The following C8orf74 variants were observed in gnomAD, a reference collection of about 807,000 sequenced individuals.
C8orf74 encodes chromosome 8 open reading frame 74, also known as uncharacterized protein C8orf74.
In C8orf74, 29 loss-of-function variants were observed where a neutral mutation model predicts 22.2. The observed-to-expected ratio is 1.31, with a 90% CI of 0.97 to 1.78. The LOEUF (loss-of-function observed/expected upper bound fraction) is 1.78. Ranked by LOEUF, C8orf74 falls within the 40% of genes most tolerant of loss-of-function variation. The pLI, the probability that C8orf74 is intolerant of heterozygous loss-of-function variation, is 0.00. For missense variants in C8orf74, 515 were observed against 369.9 expected, an observed-to-expected ratio of 1.39 and a Z score of -3.22; for synonymous variants, 255 against 163.1, an observed-to-expected ratio of 1.56 and a Z score of -4.30.
intron 2 of C8orf74, among the ~76,000 whole-genome samples, chr8:10,685,993 C>T (rs1367455927): frequency 1.3e-5 from 2 of 152,062 alleles, no homozygotes; most frequent in Admixed American, 6.5e-5. Flanking sequence ...CACTTGAGCC[C>T]GGGAGGTGGA....
chr8:10,687,127 G>T, intron 2 of C8orf74: 1 of 456,288 alleles, frequency 2.2e-6, no homozygotes, highest in South Asian at 1.5e-5. Context: ...AGGAATGCCA[G>T]CAGAGGCCTG....
rs558928552 is a variant in C8orf74, at chr8:10,697,629, T to C, written c.272T>C (p.Leu91Pro). 8.9e-5 allele frequency: 143 copies of C among 1,613,822 alleles called. No homozygotes were observed. The highest frequency in any genetic ancestry group is 1.1e-4 in the Non-Finnish European group (133 of 1,179,888). The change falls in exon 3 of 4, where the codon CTG (leucine) becomes CCG (proline). Residue 91 changes from leucine to proline, a missense_variant. Transcript: ENST00000304519. ...GCSITEAVTI[L>P]GNKLRDYRGH... ...TCCATTACTGAGGCTGTGACGATCC[T>C]GGGGAACAAGCTTAGAGATTACCGG...
At chr8:10,686,913 C>A (rs1425524137) in intron 2 of C8orf74, among the ~76,000 whole-genome samples, 1 of 152,182 alleles carries the variant, frequency 6.6e-6, no homozygotes, top group Admixed American at 6.5e-5. Context: ...GTTTGAGTGA[C>A]CAGGAAAGAA....
At chr8:10,678,125 A>G (rs1799071149) in intron 2 of C8orf74, among the ~76,000 whole-genome samples, 1 of 152,208 alleles carries the variant, frequency 6.6e-6, no homozygotes, top group African/African-American at 2.4e-5. Context: ...CATGCCTGAA[A>G]TTAAACTGGC....
chr8:10,689,987 C>T (rs1053114230), intron 2 of C8orf74, among the ~76,000 whole-genome samples: 3 of 152,114 alleles, frequency 2.0e-5, no homozygotes, highest in Admixed American at 6.6e-5. Context: ...CCTAGGGACT[C>T]CTTCCTCGTG....
At chr8:10,679,132 C>T (rs897778567) in intron 2 of C8orf74, among the ~76,000 whole-genome samples, 1 of 152,174 alleles carries the variant, frequency 6.6e-6, no homozygotes, top group African/African-American at 2.4e-5. Context: ...CTCTGTGCTT[C>T]AGGTCACTCG....
chr8:10,683,561 A>C (rs1255469875), intron 2 of C8orf74, among the ~76,000 whole-genome samples: 1 of 152,166 alleles, frequency 6.6e-6, no homozygotes, highest in East Asian at 1.9e-4. Context: ...GATGATGACC[A>C]TGAGGATGAC....
intron 1 of C8orf74, 113 bp from the exon 2 acceptor site, chr8:10,674,533 C>A (rs867962248): frequency 6.2e-6 from 2 of 322,886 alleles, no homozygotes; most frequent in Non-Finnish European, 9.2e-6. Context: ...CCATATCACA[C>A]CCCACAGCCC....
At chr8:10,675,397 G>A (rs1207522767) in intron 2 of C8orf74, among the ~76,000 whole-genome samples, 1 of 152,230 alleles carries the variant, frequency 6.6e-6, no homozygotes, top group Non-Finnish European at 1.5e-5. Flanking sequence ...GCAATGAAGT[G>A]CAGATTCATT....
chr8:10,682,465 C>A (rs1167095772), intron 2 of C8orf74, among the ~76,000 whole-genome samples: 2 of 152,176 alleles, frequency 1.3e-5, no homozygotes, highest in African/African-American at 4.8e-5. Flanking sequence ...CTCCCGAAGC[C>A]TCTCTCCTTG....
chr8:10,693,928 T>C (rs1799436430), intron 2 of C8orf74, among the ~76,000 whole-genome samples: 1 of 152,230 alleles, frequency 6.6e-6, no homozygotes, highest in South Asian at 2.1e-4. Context: ...CTTGCCATCA[T>C]CTGCCTCCAC....
At chr8:10,698,685 G>C (rs1294701321) in intron 3 of C8orf74, among the ~76,000 whole-genome samples, 1 of 152,120 alleles carries the variant, frequency 6.6e-6, no homozygotes, top group African/African-American at 2.4e-5. Context: ...TAGTTTCTTA[G>C]CTATACATAG....
intron 2 of C8orf74, among the ~76,000 whole-genome samples, chr8:10,695,237 G>C (rs1799466132): frequency 6.6e-6 from 1 of 152,160 alleles, no homozygotes. Flanking sequence ...AGCCTGTGAA[G>C]TCAGTATCAC....
chr8:10,687,132 G>T (rs1359673697), intron 2 of C8orf74: 1 of 456,276 alleles, frequency 2.2e-6, no homozygotes, highest in African/African-American at 2.0e-5. Flanking sequence ...TGCCAGCAGA[G>T]GCCTGATGAT....
chr8:10,676,022 T>C (rs1337157342), intron 2 of C8orf74, among the ~76,000 whole-genome samples: 1 of 152,104 alleles, frequency 6.6e-6, no homozygotes, highest in Non-Finnish European at 1.5e-5. Flanking sequence ...TGGGTCGTGA[T>C]GATGAATGTT....
At chr8:10,693,863 G>T (rs541786514) in intron 2 of C8orf74, among the ~76,000 whole-genome samples, 2 of 152,188 alleles carry the variant, frequency 1.3e-5, no homozygotes, top group African/African-American at 2.4e-5. Context: ...GCTTCTAAGT[G>T]TGGCATCCAT....
At chr8:10,687,725 T>C (rs948629521) in intron 2 of C8orf74, among the ~76,000 whole-genome samples, 1 of 152,198 alleles carries the variant, frequency 6.6e-6, no homozygotes, top group African/African-American at 2.4e-5. Flanking sequence ...TTTTCTGTGA[T>C]TTTATCATCA....
In C8orf74 at chr8:10,700,465, G is replaced by T. The variant is rs1324516061; in HGVS notation, c.879G>T (p.Arg293Ser). Residue 293 changes from arginine (R) to serine (S), a missense_variant, in exon 4 of 4, where the codon AGG becomes AGT. Transcript: ENST00000304519. Reference sequence around the variant, plus strand: ...GCAAAGGAAAGAAAGCGAAGGCAAGGAAGTAGAAGGTCCCGACTGCCACAC... The same window carrying T: ...GCAAAGGAAAGAAAGCGAAGGCAAGTAAGTAGAAGGTCCCGACTGCCACAC... ...RASKGKKAKA[R>S]K is the part of the protein sequence containing the mutation. The T allele has an allele frequency of 6.3e-7, 1 of 1,575,040 alleles. No homozygotes were observed. The highest frequency in any genetic ancestry group is 1.4e-5 in the African/African-American group (1 of 73,620).
intron 2 of C8orf74, chr8:10,691,304 G>T: frequency 4.4e-6 from 1 of 229,764 alleles, no homozygotes; most frequent in Non-Finnish European, 9.1e-6. Flanking sequence ...ACCCAGGCAC[G>T]GCTGCTGAGC....
Sources: gnomAD v4.1 joint callset for allele counts (sites outside exome capture counted in the v4.1 genomes callset) on GRCh38, gnomAD v4.1.1 for gene constraint, MANE v1.5 for transcripts, NCBI Gene and HGNC (gene_info 2026-07-23, HGNC 2026-07-21) for gene names.